The following CAMTA1 variants were observed in gnomAD, a reference collection of about 807,000 sequenced individuals.
The protein encoded by CAMTA1 is calmodulin binding transcription activator 1.
Under a neutral mutation model 170.9 loss-of-function variants are expected in CAMTA1, and 27 were observed. The ratio of observed to expected loss-of-function variants is 0.16; its 90% CI spans 0.12 to 0.22. CAMTA1 has a LOEUF of 0.22. Among genes scored for constraint, CAMTA1 ranks in the 10% least tolerant of loss-of-function variants. CAMTA1 has a pLI of 1.00. For missense variants in CAMTA1, 1,619 were observed against 2,217.2 expected, an observed-to-expected ratio of 0.73 and a Z score of 5.42; for synonymous variants, 833 against 891.5, an observed-to-expected ratio of 0.93 and a Z score of 1.17.
chr1:7,391,279 G>A (rs1229350408), intron 5 of CAMTA1, among the ~76,000 whole-genome samples: 1 of 152,054 alleles, frequency 6.6e-6, no homozygotes, highest in Admixed American at 6.5e-5. Flanking sequence ...TTACAGGCAT[G>A]AGCTACCACA....
At chr1:7,096,877 A>T (rs1210685529) in intron 4 of CAMTA1, among the ~76,000 whole-genome samples, 1 of 152,022 alleles carries the variant, frequency 6.6e-6, no homozygotes, top group African/African-American at 2.4e-5. Flanking sequence ...GCTGAGGTTG[A>T]CTCTCCAGTG....
chr1:6,996,689 A>AG (rs1697306064), intron 3 of CAMTA1, among the ~76,000 whole-genome samples: 1 of 151,344 alleles, frequency 6.6e-6, no homozygotes, highest in Admixed American at 6.6e-5. Flanking sequence ...ATTTAAAAAA[A>AG]AAAGAAAGAA....
intron 3 of CAMTA1, among the ~76,000 whole-genome samples, chr1:7,055,882 C>T (rs1355990835): frequency 6.6e-5 from 10 of 152,222 alleles, no homozygotes; most frequent in Admixed American, 6.5e-4. Context: ...TCAGAGGTGC[C>T]CTTCTGCAGA....
intron 6 of CAMTA1, among the ~76,000 whole-genome samples, chr1:7,496,229 C>T (rs958020186): frequency 7.9e-5 from 12 of 152,112 alleles, no homozygotes; most frequent in African/African-American, 2.7e-4. Flanking sequence ...AGTCCATGTG[C>T]GGGAGGAGGT....
At chr1:7,704,455 G>A (rs1044937620) in intron 11 of CAMTA1, among the ~76,000 whole-genome samples, 6 of 146,252 alleles carry the variant, frequency 4.1e-5, no homozygotes, top group African/African-American at 1.5e-4. Context: ...CGTCGCGAGG[G>A]ACCGGGGGCC....
chr1:7,321,871 A>G (rs1187496299), intron 5 of CAMTA1, among the ~76,000 whole-genome samples: 1 of 151,686 alleles, frequency 6.6e-6, no homozygotes, highest in Non-Finnish European at 1.5e-5. Flanking sequence ...CAGGCCCAGC[A>G]CCTCCCCTGC....
chr1:7,713,563 A>C (rs768833867), intron 11 of CAMTA1, among the ~76,000 whole-genome samples: 2 of 152,172 alleles, frequency 1.3e-5, no homozygotes, highest in Non-Finnish European at 1.5e-5. Flanking sequence ...TGAGGTGTAA[A>C]TGTGTTTGTG....
At position 6,785,572 on chromosome 1, in the gene CAMTA1, GA is replaced by G; in HGVS notation, c.44del (p.Lys15ArgfsTer23). Reference protein sequence around the residue: ...EGKWLPKTSRKSVSQSVFCGT... With the variant: ...EGKWLPKTSRXSVSQSVFCGT... ...GGAAATGGCTGCCGAAAACAAGCCG[GA>G]AGGTAAGAGCCGGAGCGCGAGGGGC... On this transcript the variant is annotated frameshift_variant and splice_region_variant, in exon 1 of 23. Coordinates refer to ENST00000303635, the MANE Select transcript of CAMTA1 (RefSeq NM_015215.4). LOFTEE classifies it high-confidence loss of function. 9.3e-7 allele frequency: 1 copy of G among 1,071,078 alleles called. No homozygotes were observed. The highest frequency in any genetic ancestry group is 1.2e-6 in the Non-Finnish European group (1 of 868,588). The allele number at this position is 1,071,078 out of a possible 1,614,324, so 66.3% of individuals were successfully genotyped here.
chr1:7,591,798 A>C (rs561912143), intron 6 of CAMTA1, among the ~76,000 whole-genome samples: 2 of 152,328 alleles, frequency 1.3e-5, no homozygotes, highest in African/African-American at 4.8e-5. Flanking sequence ...TCCTGCAAAC[A>C]AGCCAAGCTC....
intron 7 of CAMTA1, among the ~76,000 whole-genome samples, chr1:7,661,128 G>A (rs1414162010): frequency 6.6e-6 from 1 of 152,210 alleles, no homozygotes; most frequent in Non-Finnish European, 1.5e-5. Context: ...TCCAGGCCAC[G>A]TGGGCCCTTC....
intron 3 of CAMTA1, among the ~76,000 whole-genome samples, chr1:6,842,924 C>CA (rs532107406): frequency 0.023 from 2,893 of 128,104 alleles, 39 homozygotes; most frequent in South Asian, 0.039. Flanking sequence ...GTCTCCATCT[C>CA]AAAAAAAAAA....
intron 3 of CAMTA1, among the ~76,000 whole-genome samples, chr1:6,875,625 C>T (rs1477964637): frequency 7.2e-5 from 11 of 152,020 alleles, no homozygotes; most frequent in Admixed American, 7.2e-4. Flanking sequence ...TTCTGAAGGC[C>T]CCTAGCTGGC....
chr1:7,476,596 G>T (rs145034621), intron 6 of CAMTA1, among the ~76,000 whole-genome samples: 10 of 152,286 alleles, frequency 6.6e-5, no homozygotes, highest in Non-Finnish European at 4.4e-5. Context: ...GGCTGTCTGG[G>T]AAGAGGCCCT....
At chr1:7,075,547 C>T (rs934099535) in intron 3 of CAMTA1, among the ~76,000 whole-genome samples, 1 of 152,168 alleles carries the variant, frequency 6.6e-6, no homozygotes, top group Non-Finnish European at 1.5e-5. Context: ...GCTCCCTTCC[C>T]GGCCCTGTGC....
chr1:7,734,761 T>C (rs2096758805), intron 12 of CAMTA1, among the ~76,000 whole-genome samples: 1 of 152,212 alleles, frequency 6.6e-6, no homozygotes, highest in Non-Finnish European at 1.5e-5. Context: ...GAGGCATTTT[T>C]TCCACATTTA....
chr1:7,210,260 A>T (rs1304711), intron 4 of CAMTA1, among the ~76,000 whole-genome samples: 4 of 152,020 alleles, frequency 2.6e-5, no homozygotes, highest in African/African-American at 9.7e-5. Flanking sequence ...TCAATTCTTC[A>T]GTCTTTGTCT....
At chr1:7,507,932 C>G (rs914861087) in intron 6 of CAMTA1, among the ~76,000 whole-genome samples, 1 of 152,236 alleles carries the variant, frequency 6.6e-6, no homozygotes, top group Non-Finnish European at 1.5e-5. Flanking sequence ...TGACCGAATG[C>G]TGGTCCAAGC....
At chr1:7,653,618 T>G (rs964454138) in intron 7 of CAMTA1, among the ~76,000 whole-genome samples, 1 of 152,158 alleles carries the variant, frequency 6.6e-6, no homozygotes, top group African/African-American at 2.4e-5. Flanking sequence ...GCATGGAGGA[T>G]ATGTCCAATA....
intron 11 of CAMTA1, among the ~76,000 whole-genome samples, chr1:7,717,861 A>G (rs1427481876): frequency 2.6e-5 from 4 of 152,196 alleles, no homozygotes; most frequent in Non-Finnish European, 2.9e-5. Context: ...TTTGTTCTAC[A>G]TGTTATTCTG....
Sources: allele counts gnomAD v4.1 joint callset (sites outside exome capture counted in the v4.1 genomes callset), GRCh38; gene constraint gnomAD v4.1.1; transcripts MANE v1.5; gene names NCBI Gene and HGNC (gene_info 2026-07-23, HGNC 2026-07-21).